Variants in RNF217 observed in about 807,000 individuals in gnomAD.
The protein encoded by RNF217 is ring finger protein 217.
In RNF217, 31 loss-of-function variants were observed where a neutral mutation model predicts 57.8. That is an observed-to-expected ratio of 0.54 (90% CI 0.40 to 0.72). The LOEUF (loss-of-function observed/expected upper bound fraction) is 0.72, where lower values mean the gene tolerates loss of function less well. Among genes scored for constraint, RNF217 ranks in the 30% least tolerant of loss-of-function variants. The pLI, the probability that RNF217 is intolerant of heterozygous loss-of-function variation, is 0.00. For missense variants in RNF217, 696 were observed against 708.3 expected, an observed-to-expected ratio of 0.98 and a Z score of 0.20; for synonymous variants, 313 against 294.0, an observed-to-expected ratio of 1.06 and a Z score of -0.66.
At chr6:125,077,251 G>A (rs1314236409) in intron 4 of RNF217, among the ~76,000 whole-genome samples, 1 of 152,134 alleles carries the variant, frequency 6.6e-6, no homozygotes, top group Non-Finnish European at 1.5e-5. Flanking sequence ...ATACAGTACA[G>A]CATGGAGCGT....
At chr6:125,081,977 A>G (rs970262626) in intron 5 of RNF217, among the ~76,000 whole-genome samples, 1 of 152,092 alleles carries the variant, frequency 6.6e-6, no homozygotes, top group Non-Finnish European at 1.5e-5. Flanking sequence ...TGACAAATAG[A>G]AAACCTTGCA....
intron 1 of RNF217, among the ~76,000 whole-genome samples, chr6:125,034,975 C>T (rs1406959088): frequency 2.0e-5 from 3 of 152,038 alleles, no homozygotes; most frequent in African/African-American, 7.3e-5. Context: ...AATGGGAGTT[C>T]ACTCATGATT....
rs545139952 is a variant in RNF217 at position 124,997,419 on chromosome 6, T to C, written c.882+33993T>C. 4.0e-5 allele frequency among the ~76,000 whole-genome samples: 6 copies of C among 151,476 alleles called. No individual in the cohort carries two copies. In the East Asian group the frequency reaches 1.2e-3, roughly 30 times the overall value. On this transcript the variant is annotated intron_variant, in intron 1 of 5. Transcript: ENST00000521654. ...GGGCTCTGCCAATTACTTAACCATA[T>C]GCGAAAGTGACTGTAAATCACATAG...
intron 1 of RNF217, among the ~76,000 whole-genome samples, chr6:124,974,116 A>G (rs1045801315): frequency 2.0e-5 from 3 of 152,134 alleles, no homozygotes; most frequent in Non-Finnish European, 1.5e-5. Context: ...TTTCTGCCCT[A>G]AGTTTGGAAG....
chr6:125,013,019 T>G (rs1210340725), intron 1 of RNF217, among the ~76,000 whole-genome samples: 1 of 152,198 alleles, frequency 6.6e-6, no homozygotes, highest in Non-Finnish European at 1.5e-5. Context: ...CTATCTTGAT[T>G]CTTCTTCAAT....
chr6:124,964,206 T>C (rs1188956612), intron 1 of RNF217, among the ~76,000 whole-genome samples: 1 of 152,366 alleles, frequency 6.6e-6, no homozygotes, highest in East Asian at 1.9e-4. Context: ...CAATCTGTGA[T>C]GTTTCTGCCA....
rs1788699576 is a variant in RNF217 at position 125,084,195 on chromosome 6, T to C, written c.*1258T>C. The C allele has an allele frequency of 6.6e-6, 1 of 152,044 alleles. No individual in the cohort carries two copies. The highest frequency in any genetic ancestry group is 1.5e-5 in the Non-Finnish European group (1 of 67,934). The allele number at this position is 152,044 out of a possible 1,614,324, so 9.4% of individuals were successfully genotyped here. On this transcript the variant is annotated 3_prime_UTR_variant, in exon 6 of 6. Coordinates refer to ENST00000521654, the MANE Select transcript of RNF217 (RefSeq NM_001286398.3). ...ATTTAACTGCTCAAACATAATATTT[T>C]TGGGGACACCTTCTTATGGAGGAGT...
chr6:124,967,056 G>A (rs1166364539), intron 1 of RNF217, among the ~76,000 whole-genome samples: 1 of 152,140 alleles, frequency 6.6e-6, no homozygotes, highest in Non-Finnish European at 1.5e-5. Context: ...TGAATCTTTA[G>A]CACCACAGTA....
At position 125,089,235 on chromosome 6, in the gene RNF217, C is replaced by G. The variant is rs1788864064; in HGVS notation, c.*6298C>G. The G allele has an allele frequency of 6.6e-6, 1 of 152,094 alleles. No homozygotes were observed. Among genetic ancestry groups the G allele is most frequent in the African/African-American group, 2.4e-5 (1 of 41,408 alleles). The allele number at this position is 152,094 out of a possible 1,614,324, so 9.4% of individuals were successfully genotyped here. ...AGAGGGCCTAATAATAGTCTAAAAC[C>G]AAGCTTCAGAAATTGCTTCGTGACT... On this transcript the variant is annotated 3_prime_UTR_variant, in exon 6 of 6. Coordinates refer to ENST00000521654, the MANE Select transcript of RNF217 (RefSeq NM_001286398.3).
At chr6:125,067,484 G>A (rs1195632582) in intron 3 of RNF217, among the ~76,000 whole-genome samples, 1 of 152,100 alleles carries the variant, frequency 6.6e-6, no homozygotes, top group East Asian at 1.9e-4. Context: ...ATATTATGGG[G>A]CTAAAACTAT....
At chr6:125,046,475 C>A (rs1787103864) in intron 2 of RNF217, 1 of 412,988 alleles carries the variant, frequency 2.4e-6, no homozygotes, top group African/African-American at 2.1e-5. Context: ...TGCCCCAGGC[C>A]CACCCCAGAA....
At chr6:125,072,331 C>T (rs1057017016) in intron 3 of RNF217, among the ~76,000 whole-genome samples, 2 of 152,032 alleles carry the variant, frequency 1.3e-5, no homozygotes, top group East Asian at 1.9e-4. Flanking sequence ...CAATTTTTTC[C>T]GTGATTATGT....
intron 1 of RNF217, among the ~76,000 whole-genome samples, chr6:125,008,146 C>G (rs1785264088): frequency 6.6e-6 from 1 of 151,880 alleles, no homozygotes; most frequent in South Asian, 2.1e-4. Context: ...GTCCCAGCTA[C>G]TTGGGAGGCT....
chr6:125,003,290 A>G (rs1025468406), intron 1 of RNF217, among the ~76,000 whole-genome samples: 1 of 152,224 alleles, frequency 6.6e-6, no homozygotes, highest in Non-Finnish European at 1.5e-5. Context: ...TAATGAAGTA[A>G]GCATATCATA....
At chr6:124,995,513 C>T (rs1784714109) in intron 1 of RNF217, among the ~76,000 whole-genome samples, 1 of 152,130 alleles carries the variant, frequency 6.6e-6, no homozygotes, top group African/African-American at 2.4e-5. Context: ...TTACTTTATT[C>T]AAAGTTAACA....
chr6:125,065,397 A>C (rs1787900993), intron 3 of RNF217, among the ~76,000 whole-genome samples: 1 of 152,184 alleles, frequency 6.6e-6, no homozygotes, highest in South Asian at 2.1e-4. Flanking sequence ...ACCAATATGA[A>C]TGTCCGATGC....
intron 1 of RNF217, among the ~76,000 whole-genome samples, chr6:125,003,473 A>G (rs975136910): frequency 2.0e-5 from 3 of 152,202 alleles, no homozygotes; most frequent in Admixed American, 1.3e-4. Context: ...AAATTATTAG[A>G]TAGCAACATC....
At chr6:125,052,488 T>A (rs1217817146) in intron 2 of RNF217, among the ~76,000 whole-genome samples, 3 of 152,060 alleles carry the variant, frequency 2.0e-5, no homozygotes, top group African/African-American at 7.2e-5. Context: ...CAGTGCCTCA[T>A]GAAGACTGTA....
At chr6:125,035,026 G>C (rs1786543911) in intron 1 of RNF217, among the ~76,000 whole-genome samples, 1 of 151,828 alleles carries the variant, frequency 6.6e-6, no homozygotes, top group Non-Finnish European at 1.5e-5. Context: ...AAGAATGCTT[G>C]TGATTTTTGT....
Sources: allele counts gnomAD v4.1 joint callset (sites outside exome capture counted in the v4.1 genomes callset), GRCh38; gene constraint gnomAD v4.1.1; transcripts MANE v1.5; gene names NCBI Gene and HGNC (gene_info 2026-07-23, HGNC 2026-07-21).